Variants in GALNT13 observed in about 807,000 individuals in gnomAD.
GALNT13 encodes the protein polypeptide N-acetylgalactosaminyltransferase 13.
A neutral mutation model predicts 64.2 loss-of-function variants in GALNT13; 28 were observed. That is an observed-to-expected ratio of 0.44 (90% CI 0.32 to 0.60). GALNT13 has a LOEUF of 0.60. Ranked by LOEUF, GALNT13 falls within the 20% of genes least tolerant of loss-of-function variation. The pLI is 0.05. For missense variants in GALNT13, 577 were observed against 669.8 expected (o/e 0.86, Z 1.53); for synonymous variants, 214 against 224.6 (o/e 0.95, Z 0.42).
intron 8 of GALNT13, among the ~76,000 whole-genome samples, chr2:154,298,786 AT>A (rs1559076277): frequency 1.7e-5 from 2 of 121,064 alleles, no homozygotes; most frequent in Non-Finnish European, 3.2e-5. Context: ...TTATTTATAT[AT>A]TATATTATTT....
the GALNT13 span, among the ~76,000 whole-genome samples, chr2:153,599,149 A>G: frequency 2.0e-5 from 3 of 152,082 alleles, no homozygotes; most frequent in African/African-American, 4.8e-5. Context: ...CATGCTGTGC[A>G]TCTGGCAGAG....
rs1685992636 is a variant in GALNT13 at position 153,872,164 on chromosome 2, G to A, written c.-316G>A. 1 of 150,786 alleles carries A rather than the reference G, an allele frequency of 6.6e-6. No individual in the cohort carries two copies. The highest frequency in any genetic ancestry group is 6.6e-5 in the Admixed American group (1 of 15,138). The allele number at this position is 150,786 out of a possible 1,614,324, so 9.3% of individuals were successfully genotyped here. On this transcript the variant is annotated 5_prime_UTR_variant, in exon 1 of 13. Coordinates refer to ENST00000392825, the MANE Select transcript of GALNT13 (RefSeq NM_052917.4). ...GGCTGCGCGCGGCGCTCGCGGGCCG[G>A]CGCGGGTTCCAGGTGAGCGCGGACT... is the stretch of plus-strand genomic sequence containing the variant.
chr2:154,357,640 C>G (rs950889080), intron 9 of GALNT13, among the ~76,000 whole-genome samples: 1 of 152,022 alleles, frequency 6.6e-6, no homozygotes, highest in Non-Finnish European at 1.5e-5. Flanking sequence ...TATTCTGATC[C>G]TCCATGTTGT....
At chr2:153,678,416 T>C in the GALNT13 span, among the ~76,000 whole-genome samples, 1 of 151,954 alleles carries the variant, frequency 6.6e-6, no homozygotes, top group Admixed American at 6.6e-5. Flanking sequence ...TGTAAGTGAA[T>C]TAATGTAATA....
the GALNT13 span, among the ~76,000 whole-genome samples, chr2:153,530,494 T>C: frequency 6.6e-6 from 1 of 152,208 alleles, no homozygotes; most frequent in African/African-American, 2.4e-5. Context: ...ATACCAAAGA[T>C]GTTCTTCAAA....
the GALNT13 span, among the ~76,000 whole-genome samples, chr2:153,714,375 A>G: frequency 3.3e-5 from 5 of 152,320 alleles, no homozygotes; most frequent in East Asian, 9.7e-4. Flanking sequence ...AGGCATGTAT[A>G]TGGGTATCAT....
intron 8 of GALNT13, among the ~76,000 whole-genome samples, chr2:154,271,702 C>T (rs987147437): frequency 2.6e-5 from 4 of 151,782 alleles, no homozygotes; most frequent in Non-Finnish European, 5.9e-5. Flanking sequence ...ACTATCTAAC[C>T]AATCATGAAT....
At chr2:153,341,698 G>C in the GALNT13 span, among the ~76,000 whole-genome samples, 1 of 152,088 alleles carries the variant, frequency 6.6e-6, no homozygotes, top group African/African-American at 2.4e-5. Flanking sequence ...CCTTCTAATT[G>C]GCCCCTCTGT....
chr2:153,688,323 A>G, the GALNT13 span, among the ~76,000 whole-genome samples: 23 of 152,046 alleles, frequency 1.5e-4, no homozygotes, highest in African/African-American at 5.5e-4. Flanking sequence ...TTGGGAGAAA[A>G]CTTTCATAGA....
At chr2:153,321,512 A>T in the GALNT13 span, among the ~76,000 whole-genome samples, 2 of 152,234 alleles carry the variant, frequency 1.3e-5, no homozygotes, top group Non-Finnish European at 2.9e-5. Context: ...ACAAAAAAGT[A>T]AAAATCTATC....
the GALNT13 span, among the ~76,000 whole-genome samples, chr2:153,313,350 TG>T: frequency 3.3e-5 from 5 of 152,124 alleles, no homozygotes; most frequent in Non-Finnish European, 7.4e-5. Flanking sequence ...ATATACACCA[TG>T]AAATACTATG....
chr2:154,107,200 C>A (rs1702667814), intron 3 of GALNT13, among the ~76,000 whole-genome samples: 2 of 152,100 alleles, frequency 1.3e-5, no homozygotes, highest in South Asian at 2.1e-4. Flanking sequence ...ACCTAATAAA[C>A]CTCTTTTCTT....
intron 3 of GALNT13, among the ~76,000 whole-genome samples, chr2:153,956,595 A>T (rs569201156): frequency 2.0e-5 from 3 of 152,092 alleles, no homozygotes; most frequent in African/African-American, 4.8e-5. Context: ...CTCTTTCTTT[A>T]TATCATTCCT....
intron 8 of GALNT13, among the ~76,000 whole-genome samples, chr2:154,266,518 TA>T (rs1358636183): frequency 6.6e-6 from 1 of 151,848 alleles, no homozygotes; most frequent in African/African-American, 2.4e-5. Flanking sequence ...TAAAATAATG[TA>T]AAAAATATGA....
chr2:154,149,559 G>A (rs1000556682), intron 4 of GALNT13, among the ~76,000 whole-genome samples: 125 of 152,282 alleles, frequency 8.2e-4, no homozygotes, highest in Middle Eastern at 3.4e-3. Context: ...CTACCCATGA[G>A]CATGGAATGT....
intron 4 of GALNT13, among the ~76,000 whole-genome samples, chr2:154,218,628 C>T (rs563151232): frequency 6.6e-6 from 1 of 152,214 alleles, no homozygotes; most frequent in South Asian, 2.1e-4. Context: ...ATCCAGCAGG[C>T]CTTTCAGTCT....
intron 4 of GALNT13, among the ~76,000 whole-genome samples, chr2:154,193,091 T>G (rs1686686992): frequency 6.6e-6 from 1 of 152,220 alleles, no homozygotes; most frequent in South Asian, 2.1e-4. Context: ...TAGTCATGTG[T>G]TTCTTAGCAA....
intron 10 of GALNT13, among the ~76,000 whole-genome samples, chr2:154,399,223 G>T (rs1222304917): frequency 1.3e-5 from 2 of 152,202 alleles, no homozygotes; most frequent in Non-Finnish European, 2.9e-5. Flanking sequence ...TTCAAGACCA[G>T]CTGAGTAACA....
At chr2:153,248,731 G>T in the GALNT13 span, among the ~76,000 whole-genome samples, 15 of 151,222 alleles carry the variant, frequency 9.9e-5, no homozygotes, top group Non-Finnish European at 1.3e-4. Flanking sequence ...CAGGATAATG[G>T]CGTGAACCCA....
Sources: allele counts gnomAD v4.1 joint callset (sites outside exome capture counted in the v4.1 genomes callset), GRCh38; gene constraint gnomAD v4.1.1; transcripts MANE v1.5; gene names NCBI Gene and HGNC (gene_info 2026-07-23, HGNC 2026-07-21).